HECW1: variants seen among roughly 807,000 people sequenced by gnomAD.
HECW1 encodes HECT, C2 and WW domain containing E3 ubiquitin protein ligase 1, also known as E3 ubiquitin-protein ligase HECW1.
A neutral mutation model predicts 182.3 loss-of-function variants in HECW1; 61 were observed. The observed-to-expected ratio is 0.33, with a 90% confidence interval of 0.27 to 0.41. The LOEUF is 0.41. Among genes scored for constraint, HECW1 ranks in the 10% least tolerant of loss-of-function variants. The pLI is 1.00. For synonymous variants in HECW1, 859 were observed against 832.6 expected (o/e 1.03, Z -0.55); for missense variants, 1,739 against 2,108.9 (o/e 0.82, Z 3.44).
At chr7:43,128,552 G>A (rs74933869) in intron 2 of HECW1, among the ~76,000 whole-genome samples, 3,009 of 152,300 alleles carry the variant, frequency 0.02, 110 homozygotes, top group African/African-American at 0.069. Context: ...AAGAGCACTG[G>A]TGAAGATATA....
At chr7:43,210,577 G>A (rs563037479) in intron 2 of HECW1, among the ~76,000 whole-genome samples, 1 of 152,162 alleles carries the variant, frequency 6.6e-6, no homozygotes, top group Non-Finnish European at 1.5e-5. Context: ...TGGGGTTCTT[G>A]GCCTCATGGA....
chr7:43,376,237 A>G (rs2074317201), intron 6 of HECW1, among the ~76,000 whole-genome samples: 1 of 152,142 alleles, frequency 6.6e-6, no homozygotes, highest in Non-Finnish European at 1.5e-5. Flanking sequence ...AAAATAGTAC[A>G]TGTTCCTTGG....
At chr7:43,245,136 G>A (rs1021214180) in intron 3 of HECW1, among the ~76,000 whole-genome samples, 1 of 152,206 alleles carries the variant, frequency 6.6e-6, no homozygotes, top group Admixed American at 6.5e-5. Flanking sequence ...CAGGAACAGT[G>A]TCAGCACAGT....
chr7:43,507,266 T>G lies in HECW1; in HGVS notation c.3752+9T>G. The G allele has an allele frequency of 6.2e-7, 1 of 1,611,908 alleles. No homozygotes were observed. The highest frequency in any genetic ancestry group is 8.5e-7 in the Non-Finnish European group (1 of 1,178,508). On this transcript the variant is annotated intron_variant, in intron 22 of 29. Transcript: ENST00000395891. ...GGTCCGGGGAAAATTAAGTGAGTGC[T>G]CCAGTGCTTGGCACTGAATTCAGAC...
intron 2 of HECW1, among the ~76,000 whole-genome samples, chr7:43,179,492 G>A (rs1792584569): frequency 6.6e-6 from 1 of 152,162 alleles, no homozygotes; most frequent in Non-Finnish European, 1.5e-5. Flanking sequence ...TCTTAACATG[G>A]CTATGTTCAC....
intron 2 of HECW1, among the ~76,000 whole-genome samples, chr7:43,227,794 T>C (rs987845798): frequency 6.6e-5 from 10 of 152,198 alleles, no homozygotes; most frequent in African/African-American, 2.2e-4. Context: ...ATGAACAAAA[T>C]GTGATCCTGA....
chr7:43,254,454 C>G (rs1416572736), intron 3 of HECW1, among the ~76,000 whole-genome samples: 2 of 152,248 alleles, frequency 1.3e-5, no homozygotes, highest in Non-Finnish European at 2.9e-5. Context: ...CATGGTTCCA[C>G]TTTCCCAGCC....
chr7:43,358,195 A>G (rs1178828034), intron 5 of HECW1, among the ~76,000 whole-genome samples: 1 of 152,156 alleles, frequency 6.6e-6, no homozygotes, highest in East Asian at 1.9e-4. Context: ...AGGCAGAGTA[A>G]CTCATGCACT....
At chr7:43,118,192 G>C (rs1264837575) in intron 2 of HECW1, 1 of 152,262 alleles carries the variant, frequency 6.6e-6, no homozygotes, top group Non-Finnish European at 1.5e-5. Context: ...AGATATATTT[G>C]TATTGCACAG....
intron 26 of HECW1, among the ~76,000 whole-genome samples, chr7:43,542,267 TTCATA>T (rs1245209518): frequency 1.4e-4 from 21 of 152,200 alleles, no homozygotes; most frequent in African/African-American, 5.1e-4. Flanking sequence ...CTCTAGATAC[TTCATA>T]TAAGTGGAAT....
intron 2 of HECW1, among the ~76,000 whole-genome samples, chr7:43,116,868 A>C (rs1021417699): frequency 2.6e-5 from 4 of 152,188 alleles, no homozygotes; most frequent in Non-Finnish European, 4.4e-5. Context: ...CCCAAAGGTC[A>C]CTTCTAACAT....
chr7:43,351,678 C>CTTTTTTT (rs200929407), intron 5 of HECW1, among the ~76,000 whole-genome samples: 20 of 120,476 alleles, frequency 1.7e-4, no homozygotes, highest in Non-Finnish European at 2.6e-4. Context: ...TTTCTTTCTT[C>CTTTTTTT]TTTTTTTTTT....
intron 3 of HECW1, among the ~76,000 whole-genome samples, chr7:43,300,857 T>C (rs1806671311): frequency 6.6e-6 from 1 of 152,130 alleles, no homozygotes; most frequent in Non-Finnish European, 1.5e-5. Flanking sequence ...CCTCCCACAC[T>C]GATGTGAGAG....
chr7:43,250,904 G>A (rs1799957541), intron 3 of HECW1, among the ~76,000 whole-genome samples: 1 of 152,210 alleles, frequency 6.6e-6, no homozygotes, highest in Non-Finnish European at 1.5e-5. Flanking sequence ...GGAGGGCCCT[G>A]TTAGGCCGGA....
At chr7:43,461,081 A>G (rs1004187509) in intron 13 of HECW1, among the ~76,000 whole-genome samples, 1 of 152,256 alleles carries the variant, frequency 6.6e-6, no homozygotes, top group Admixed American at 6.5e-5. Flanking sequence ...GAGTAAAACT[A>G]CACCAAACGT....
chr7:43,256,842 T>C (rs927912297), intron 3 of HECW1, among the ~76,000 whole-genome samples: 2 of 151,912 alleles, frequency 1.3e-5, no homozygotes, highest in African/African-American at 4.8e-5. Context: ...ACAACCTCCC[T>C]CACAAAAAAG....
intron 29 of HECW1, among the ~76,000 whole-genome samples, chr7:43,557,328 G>A (rs1196288771): frequency 6.6e-6 from 1 of 152,208 alleles, no homozygotes; most frequent in Non-Finnish European, 1.5e-5. Context: ...AGAAAGGAAA[G>A]GCAACTGGCT....
At chr7:43,357,834 A>T (rs887810250) in intron 5 of HECW1, among the ~76,000 whole-genome samples, 1 of 152,172 alleles carries the variant, frequency 6.6e-6, no homozygotes, top group Non-Finnish European at 1.5e-5. Context: ...GATCTTTACA[A>T]ATTATATGAA....
chr7:43,436,692 C>G (rs2076725800), intron 8 of HECW1, among the ~76,000 whole-genome samples: 1 of 152,204 alleles, frequency 6.6e-6, no homozygotes, highest in East Asian at 1.9e-4. Context: ...TTCAGGCCAT[C>G]TGGATGTATA....
Sources: gnomAD v4.1 joint callset for allele counts (sites outside exome capture counted in the v4.1 genomes callset) on GRCh38, gnomAD v4.1.1 for gene constraint, MANE v1.5 for transcripts, NCBI Gene and HGNC (gene_info 2026-07-23, HGNC 2026-07-21) for gene names.